The following RECK variants were observed in gnomAD, a reference collection of about 807,000 sequenced individuals.
RECK encodes reversion-inducing cysteine-rich protein with Kazal motifs.
RECK carries 69 observed loss-of-function variants against 115.1 expected under a neutral mutation model. That is an observed-to-expected ratio of 0.60 (90% confidence interval 0.49 to 0.73). RECK has a LOEUF of 0.73. RECK is among the 30% of genes least tolerant of loss of function. The probability of loss-of-function intolerance (pLI) is 0.00; values close to 1 mark genes in which losing one functional copy is unlikely to be tolerated. For missense variants in RECK, 1,047 were observed against 1,203.7 expected, an observed-to-expected ratio of 0.87 and a Z score of 1.93; for synonymous variants, 414 against 419.7, an observed-to-expected ratio of 0.99 and a Z score of 0.17.
chr9:36,109,485 G>A (rs771269188), intron 14 of RECK, among the ~76,000 whole-genome samples: 4 of 152,176 alleles, frequency 2.6e-5, no homozygotes, highest in Non-Finnish European at 5.9e-5. Flanking sequence ...AATACGATAG[G>A]AGGCAAATAT....
At chr9:36,046,342 A>G (rs1821072911) in intron 1 of RECK, among the ~76,000 whole-genome samples, 1 of 152,238 alleles carries the variant, frequency 6.6e-6, no homozygotes, top group Non-Finnish European at 1.5e-5. Context: ...TGCCACATTA[A>G]TTGCATTTGA....
chr9:36,123,044 G>C lies in RECK; in HGVS notation c.2915G>C (p.Ter972SerextTer63). The C allele has an allele frequency of 6.2e-7, 1 of 1,611,794 alleles. No individual in the cohort carries two copies. Among genetic ancestry groups the C allele is most frequent in the East Asian group, 2.2e-5 (1 of 44,862 alleles). ...TTGCACTTGCTCTGGACATATAACT[G>C]ACTGCCCACGGAAAGTGCAGAATGC... ...LALHLLWTYN* is the reference protein window; with the variant it reads ...LALHLLWTYNS The change falls in exon 21 of 21, where the codon TGA (stop) becomes TCA (serine). Residue 972 changes from the stop codon to serine, a stop_lost. Transcript: ENST00000377966.
intron 1 of RECK, among the ~76,000 whole-genome samples, chr9:36,042,070 T>C (rs932970813): frequency 6.6e-6 from 1 of 151,960 alleles, no homozygotes; most frequent in Non-Finnish European, 1.5e-5. Context: ...ATTACTACTT[T>C]TTTTTTTAGT....
At chr9:36,099,201 G>A (rs192344137) in intron 10 of RECK, among the ~76,000 whole-genome samples, 2 of 151,432 alleles carry the variant, frequency 1.3e-5, no homozygotes, top group African/African-American at 4.9e-5. Flanking sequence ...ACTCCAGCCT[G>A]GGTGACAGAG....
chr9:36,117,752 G>C (rs1824316358), intron 17 of RECK, among the ~76,000 whole-genome samples: 1 of 152,236 alleles, frequency 6.6e-6, no homozygotes, highest in South Asian at 2.1e-4. Context: ...GGAGGCAGAA[G>C]AGGTGGATCA....
At position 36,122,867 on chromosome 9, in the gene RECK, T is replaced by C. The variant is rs1269509039; in HGVS notation, c.2738T>C (p.Ile913Thr). The change falls in exon 21 of 21, where the codon ATC becomes ACC. Residue 913 changes from isoleucine (I) to threonine (T), a missense_variant. By Grantham distance (89) the Ile-to-Thr change is moderately conservative. Coordinates refer to ENST00000377966, the MANE Select transcript of RECK (RefSeq NM_021111.3). Reference sequence around the variant, plus strand: ...GAAGCAGAGAAGATTGAGTCCCTTATCAACTCTGACAGCCCGACTTTGGCG... The same window carrying C: ...GAAGCAGAGAAGATTGAGTCCCTTACCAACTCTGACAGCCCGACTTTGGCG... ...NKEAEKIESL[I>T]NSDSPTLASH... 94 of 1,614,090 alleles carry C rather than the reference T, an allele frequency of 5.8e-5. 1 individual carries two copies. The highest frequency in any genetic ancestry group is 7.9e-5 in the Non-Finnish European group (93 of 1,180,052).
intron 6 of RECK, among the ~76,000 whole-genome samples, chr9:36,076,729 A>T (rs886685944): frequency 2.1e-4 from 32 of 152,340 alleles, no homozygotes; most frequent in African/African-American, 7.2e-4. Context: ...TTTTTTTAGG[A>T]TCAAAATATT....
chr9:36,070,575 G>C (rs1235022911), intron 6 of RECK, among the ~76,000 whole-genome samples: 1 of 151,702 alleles, frequency 6.6e-6, no homozygotes, highest in Non-Finnish European at 1.5e-5. Context: ...GAAGGAGCCA[G>C]ATACTGATCT....
At chr9:36,098,880 G>C (rs1370256477) in intron 10 of RECK, among the ~76,000 whole-genome samples, 1 of 152,116 alleles carries the variant, frequency 6.6e-6, no homozygotes, top group Non-Finnish European at 1.5e-5. Context: ...CCTTTCCTCT[G>C]CTGGAATCAG....
chr9:36,120,096 A>G (rs1380317040), intron 18 of RECK, among the ~76,000 whole-genome samples: 6 of 152,016 alleles, frequency 3.9e-5, no homozygotes, highest in African/African-American at 1.5e-4. Flanking sequence ...TTAGCCGGGC[A>G]TGGTGGCGGG....
In RECK at chr9:36,118,743, T is replaced by A. The variant is rs187161076; in HGVS notation, c.2254-14T>A. The A allele has an allele frequency of 1.2e-6, 2 of 1,611,498 alleles. No individual in the cohort carries two copies. The highest frequency in any genetic ancestry group is 2.7e-5 in the African/African-American group (2 of 75,020). On this transcript the variant is annotated splice_polypyrimidine_tract_variant and intron_variant, in intron 17 of 20. Transcript: ENST00000377966. ...TAGACATTTCCAGGCTAAATGTGAT[T>A]TGTTTGCCCTCAGCCCTTTTGCAGA...
intron 1 of RECK, among the ~76,000 whole-genome samples, chr9:36,041,803 C>T (rs1252137634): frequency 6.9e-6 from 1 of 144,178 alleles, no homozygotes; most frequent in Non-Finnish European, 1.5e-5. Flanking sequence ...ATAGTTTCCA[C>T]ACCCTCATAA....
rs1234560098 is a variant in RECK, at chr9:36,122,873, C to CT, written c.2745dup (p.Asp916Ter). The stretch of plus-strand genomic sequence containing the variant: ...GAGAAGATTGAGTCCCTTATCAACT[C>CT]TGACAGCCCGACTTTGGCGTCCCAT... On this transcript the variant is annotated frameshift_variant, in exon 21 of 21. Coordinates refer to ENST00000377966, the MANE Select transcript of RECK (RefSeq NM_021111.3). LOFTEE classifies it low-confidence loss of function (END_TRUNC). 6.2e-7 allele frequency: 1 copy of CT among 1,614,212 alleles called. No homozygotes were observed. Among genetic ancestry groups the CT allele is most frequent in the Non-Finnish European group, 8.5e-7 (1 of 1,180,052 alleles).
intron 5 of RECK, among the ~76,000 whole-genome samples, chr9:36,065,142 T>A (rs1277447214): frequency 1.4e-5 from 2 of 147,660 alleles, no homozygotes; most frequent in East Asian, 4.0e-4. Context: ...AATGAAAGTT[T>A]AGAATGTGAA....
rs1823279162 is a variant in RECK, at chr9:36,094,855, C to G, written c.1085+3512C>G. ...TCAATCATATTCAGAAATGTTAACA[C>G]CTCTCCCTCACTAATAGAACAAATG... On this transcript the variant is annotated intron_variant, in intron 10 of 20. Coordinates refer to ENST00000377966, the MANE Select transcript of RECK (RefSeq NM_021111.3). This position sits in a 1 kb window ranked among gnomAD's most constrained non-coding sequence, Gnocchi z 4.1. Among the ~76,000 whole-genome samples the G allele has an allele frequency of 6.6e-6, 1 of 152,102 alleles. No individual in the cohort carries two copies. The highest frequency in any genetic ancestry group is 1.5e-5 in the Non-Finnish European group (1 of 68,026).
chr9:36,069,701 G>A (rs1822153365), intron 6 of RECK, among the ~76,000 whole-genome samples: 1 of 152,112 alleles, frequency 6.6e-6, no homozygotes, highest in African/African-American at 2.4e-5. Context: ...GAAGGATAGA[G>A]TGAGAAAATC....
At chr9:36,092,115 G>A (rs540118224) in intron 10 of RECK, among the ~76,000 whole-genome samples, 3 of 152,268 alleles carry the variant, frequency 2.0e-5, no homozygotes, top group Admixed American at 1.3e-4. Context: ...TTACTTAAGA[G>A]TGAGAAAATT....
chr9:36,120,564 C>A, intron 18 of RECK, 99 bp from the exon 19 acceptor site: 1 of 953,240 alleles, frequency 1.0e-6, no homozygotes, highest in Non-Finnish European at 1.6e-6. Flanking sequence ...GACACTGTAA[C>A]TCTCCTGCCC....
At chr9:36,087,235 C>A (rs191039563) in intron 8 of RECK, among the ~76,000 whole-genome samples, 39 of 151,936 alleles carry the variant, frequency 2.6e-4, no homozygotes, top group Admixed American at 2.6e-3. Flanking sequence ...AGACTTAGAA[C>A]CAACCCAAAT....
Sources: allele counts gnomAD v4.1 joint callset (sites outside exome capture counted in the v4.1 genomes callset), GRCh38; gene constraint gnomAD v4.1.1; non-coding constraint Gnocchi (gnomAD v3.1); transcripts MANE v1.5; gene names NCBI Gene and HGNC (gene_info 2026-07-23, HGNC 2026-07-21).